PACS2: variants seen among roughly 807,000 people sequenced by gnomAD.
The protein encoded by PACS2 is phosphofurin acidic cluster sorting protein 2, also known as PACS1-like protein.
Under a neutral mutation model 113.0 loss-of-function variants are expected in PACS2, and 36 were observed. The ratio of observed to expected loss-of-function variants is 0.32; its 90% CI spans 0.24 to 0.42. The LOEUF (loss-of-function observed/expected upper bound fraction) is 0.42, where lower values mean the gene tolerates loss of function less well. Among genes scored for constraint, PACS2 ranks in the 10% least tolerant of loss-of-function variants. The probability of loss-of-function intolerance (pLI) is 1.00; values close to 1 mark genes in which losing one functional copy is unlikely to be tolerated. For synonymous variants in PACS2, 589 were observed against 536.1 expected (o/e 1.10, Z -1.36); for missense variants, 1,015 against 1,239.5 (o/e 0.82, Z 2.72).
At chr14:105,353,097 C>CT (rs1398653597) in intron 3 of PACS2, among the ~76,000 whole-genome samples, 17 of 125,050 alleles carry the variant, frequency 1.4e-4, no homozygotes, top group Non-Finnish European at 1.7e-4. Context: ...CAGGCCCCCC[C>CT]CATCACTGTC....
chr14:105,336,448 T>A (rs1398902192), intron 1 of PACS2: 1 of 152,346 alleles, frequency 6.6e-6, no homozygotes, highest in Non-Finnish European at 1.5e-5. Context: ...AGCCCAGCAG[T>A]GGTGGCACCG....
chr14:105,389,943 C>T lies in PACS2; in HGVS notation c.2034-18C>T, dbSNP rs781997989. 27 of 1,612,352 alleles carry T rather than the reference C, an allele frequency of 1.7e-5. No homozygotes were observed. Among genetic ancestry groups the T allele is most frequent in the Non-Finnish European group, 2.2e-5 (26 of 1,178,458 alleles). The stretch of plus-strand genomic sequence containing the variant: ...TGTGCCCTGAGGAGAGCTTAACTGT[C>T]TGTTTCCTTGCTCTTAGCCCTGACG... On this transcript the variant is annotated intron_variant, in intron 19 of 24. Transcript: ENST00000447393.
intron 1 of PACS2, among the ~76,000 whole-genome samples, chr14:105,321,242 C>G (rs587738265): frequency 6.6e-6 from 1 of 152,190 alleles, no homozygotes; most frequent in Non-Finnish European, 1.5e-5. Context: ...TTAGATCAAG[C>G]TTGGTTTACT....
At chr14:105,321,332 G>A (rs58655901) in intron 1 of PACS2, among the ~76,000 whole-genome samples, 5 of 151,710 alleles carry the variant, frequency 3.3e-5, no homozygotes, top group African/African-American at 9.7e-5. Context: ...AGATTGGTCC[G>A]GGTTTTCTAA....
In PACS2 at chr14:105,387,057, C is replaced by T. The variant is rs587629585; in HGVS notation, c.2033+1340C>T. ...CACCCTGCACCTCCTGCCCCTGCCT[C>T]CGTGTTGCAGGGGTGACACTGGCTG... On this transcript the variant is annotated intron_variant, in intron 19 of 24. Coordinates refer to ENST00000447393, the MANE Select transcript of PACS2 (RefSeq NM_001100913.3). 2.6e-5 allele frequency among the ~76,000 whole-genome samples: 4 copies of T among 152,310 alleles called. No individual in the cohort carries two copies. In the South Asian group the frequency reaches 8.3e-4, roughly 32 times the overall value.
At position 105,368,085 on chromosome 14, in the gene PACS2, G is replaced by A. The variant is rs1555408385; in HGVS notation, c.598G>A (p.Glu200Lys). Residue 200 changes from glutamate to lysine, a missense_variant, in exon 6 of 25, where the codon GAG becomes AAG. By Grantham distance (56) the Glu-to-Lys change is moderately conservative. Coordinates refer to ENST00000447393, the MANE Select transcript of PACS2 (RefSeq NM_001100913.3). The part of the protein sequence containing the change: ...PKAKSTDNYS[E>K]EEYESFSSEQ... ...TGTTCATTCCGCAGATAACTACTCC[G>A]AGGAGGAGTATGAGAGCTTCTCCTC... The A allele has an allele frequency of 1.9e-6, 3 of 1,605,698 alleles. No individual in the cohort carries two copies. The highest frequency in any genetic ancestry group is 2.6e-6 in the Non-Finnish European group (3 of 1,172,968).
chr14:105,380,570 C>T (rs1354068795), intron 11 of PACS2, among the ~76,000 whole-genome samples: 1 of 149,698 alleles, frequency 6.7e-6, no homozygotes, highest in African/African-American at 2.5e-5. Context: ...ACTCACCCTA[C>T]CTTCAGGGTC....
At chr14:105,362,280 T>A (rs587612925) in intron 4 of PACS2, among the ~76,000 whole-genome samples, 16 of 150,680 alleles carry the variant, frequency 1.1e-4, no homozygotes, top group African/African-American at 2.5e-4. Flanking sequence ...TAGCTGGGCG[T>A]GGTGGCGGGC....
intron 7 of PACS2, among the ~76,000 whole-genome samples, chr14:105,369,007 C>T (rs141800854): frequency 6.6e-6 from 1 of 152,374 alleles, no homozygotes; most frequent in East Asian, 1.9e-4. Flanking sequence ...GAGGCCGTGT[C>T]CGGCACTGGC....
intron 4 of PACS2, among the ~76,000 whole-genome samples, chr14:105,361,802 A>T (rs1367919506): frequency 6.6e-6 from 1 of 152,134 alleles, no homozygotes; most frequent in Non-Finnish European, 1.5e-5. Context: ...ATACAAAATT[A>T]GCTGGGTGTG....
rs2060019933 is a variant in PACS2, at chr14:105,348,311, G to A, written c.120-182G>A. ...ACGGATGCTGAGGGGTGCCCACCAT[G>A]TGCAGGGACAGCTGGGGTGATGTCT... On this transcript the variant is annotated intron_variant, in intron 1 of 24. Transcript: ENST00000447393. The surrounding 1 kb of genome is among the most constrained non-coding windows in gnomAD (Gnocchi z 6.4). Among the ~76,000 whole-genome samples, 1 of 152,200 alleles carries A rather than the reference G, an allele frequency of 6.6e-6. No individual in the cohort carries two copies. The highest frequency in any genetic ancestry group is 2.4e-5 in the African/African-American group (1 of 41,450).
chr14:105,371,147 A>G (rs2061135519), intron 8 of PACS2: 1 of 152,296 alleles, frequency 6.6e-6, no homozygotes, highest in Non-Finnish European at 1.5e-5. Flanking sequence ...AACTGGCCGC[A>G]GAGGAAGGGC....
rs1376814559 is a variant in PACS2, at chr14:105,356,498, A to G, written c.423+1321A>G. Among the ~76,000 whole-genome samples the G allele has an allele frequency of 6.6e-6, 1 of 152,120 alleles. No individual in the cohort carries two copies. Among genetic ancestry groups the G allele is most frequent in the East Asian group, 1.9e-4 (1 of 5,184 alleles). ...CCCCTCTGGTGGCCTGGAGCTGCCCATCATCCCAGCCTCCCTCCTGCAGGC... is the reference window on the plus strand; with the variant it reads ...CCCCTCTGGTGGCCTGGAGCTGCCCGTCATCCCAGCCTCCCTCCTGCAGGC... On this transcript the variant is annotated intron_variant, in intron 4 of 24. Transcript: ENST00000447393. The surrounding 1 kb of genome is among the most constrained non-coding windows in gnomAD (Gnocchi z 4.0).
chr14:105,387,090 G>A (rs970239669), intron 19 of PACS2, among the ~76,000 whole-genome samples: 1 of 152,138 alleles, frequency 6.6e-6, no homozygotes, highest in African/African-American at 2.4e-5. Context: ...CTGCCTCCAC[G>A]TTATAAGGGT....
intron 4 of PACS2, among the ~76,000 whole-genome samples, chr14:105,360,333 T>C (rs6576084): frequency 0.1 from 15,155 of 151,666 alleles, 2,541 homozygotes; most frequent in African/African-American, 0.35. Context: ...TGAGGTCAGG[T>C]GTTCGAAACC....
intron 1 of PACS2, among the ~76,000 whole-genome samples, chr14:105,334,086 CCT>C (rs2059409447): frequency 6.6e-6 from 1 of 152,222 alleles, no homozygotes; most frequent in Non-Finnish European, 1.5e-5. Context: ...TCCACGATGC[CCT>C]GTCTGGTCTA....
chr14:105,391,872 C>G, intron 22 of PACS2, 106 bp downstream of exon 22: 2 of 1,207,374 alleles, frequency 1.7e-6, no homozygotes, highest in Non-Finnish European at 2.3e-6. Context: ...GGGCACCTGG[C>G]CTGTCAGCCA....
upstream of PACS2, among the ~76,000 whole-genome samples, chr14:105,314,088 G>C (rs1397775153): frequency 6.6e-6 from 1 of 152,250 alleles, no homozygotes; most frequent in African/African-American, 2.4e-5. Flanking sequence ...AAGCTCGGCA[G>C]CCTGGCGCCC....
At position 105,366,283 on chromosome 14, in the gene PACS2, G is replaced by T. The variant is rs1421479636; in HGVS notation, c.424-930G>T. 2.6e-5 allele frequency among the ~76,000 whole-genome samples: 4 copies of T among 152,254 alleles called. No homozygotes were observed. The highest frequency in any genetic ancestry group is 9.6e-5 in the African/African-American group (4 of 41,466). The stretch of plus-strand genomic sequence containing the variant: ...GAATCACTTGAACCCAGGAGGCGGA[G>T]GTTGCAGTGAGCCAAGATCGCACCA... On this transcript the variant is annotated intron_variant, in intron 4 of 24. Coordinates refer to ENST00000447393, the MANE Select transcript of PACS2 (RefSeq NM_001100913.3). The surrounding 1 kb of genome is among the most constrained non-coding windows in gnomAD (Gnocchi z 4.3).
Sources: allele counts gnomAD v4.1 joint callset (sites outside exome capture counted in the v4.1 genomes callset), GRCh38; gene constraint gnomAD v4.1.1; non-coding constraint Gnocchi (gnomAD v3.1); transcripts MANE v1.5; gene names NCBI Gene and HGNC (gene_info 2026-07-23, HGNC 2026-07-21).